Variants in CNGB3 observed in about 807,000 individuals in gnomAD.
CNGB3 encodes cyclic nucleotide gated channel subunit beta 3.
CNGB3 carries 86 observed loss-of-function variants against 92.8 expected under a neutral mutation model. The ratio of observed to expected loss-of-function variants is 0.93; its 90% CI spans 0.78 to 1.11. The LOEUF (loss-of-function observed/expected upper bound fraction) is 1.11, where lower values mean the gene tolerates loss of function less well. Among genes scored for constraint, CNGB3 ranks in the 50% least tolerant of loss-of-function variants. The pLI is 0.00. For synonymous variants in CNGB3, 333 were observed against 332.7 expected, an observed-to-expected ratio of 1.00 and a Z score of -0.01; for missense variants, 1,026 against 956.8, an observed-to-expected ratio of 1.07 and a Z score of -0.95.
At position 86,632,887 on chromosome 8, in the gene CNGB3, C is replaced by T; in HGVS notation, c.1185G>A (p.Leu395=). Residue 395 remains leucine (L), a synonymous_variant, in exon 11 of 18, where the codon CTG becomes CTA. Transcript: ENST00000320005. The part of the protein sequence containing the change: ...WVYDGEGNEY[L]RCYYWAVRTL... Reference sequence around the variant, plus strand: ...TTCGAACTGCCCAATAATAACATCTCAGATACCTGTGAAAACAGAAGATAT... The same window carrying T: ...TTCGAACTGCCCAATAATAACATCTTAGATACCTGTGAAAACAGAAGATAT... 6.2e-7 allele frequency: 1 copy of T among 1,612,206 alleles called. No individual in the cohort carries two copies.
chr8:86,650,047 C>A (rs938695312), intron 7 of CNGB3, among the ~76,000 whole-genome samples: 1 of 150,418 alleles, frequency 6.6e-6, no homozygotes, highest in African/African-American at 2.4e-5. Context: ...GAAAAAAATG[C>A]CCCCCCGCCC....
intron 8 of CNGB3, among the ~76,000 whole-genome samples, chr8:86,646,813 C>G (rs1376210595): frequency 1.3e-5 from 2 of 151,064 alleles, no homozygotes; most frequent in Non-Finnish European, 1.5e-5. Context: ...TCCTCAAATT[C>G]TTTTTAGGTA....
chr8:86,733,057 C>G (rs1385000227), intron 2 of CNGB3, among the ~76,000 whole-genome samples: 1 of 152,030 alleles, frequency 6.6e-6, no homozygotes, highest in African/African-American at 2.4e-5. Flanking sequence ...TATATCTCCT[C>G]TAAGGTGAAA....
Position 86,632,842 on chromosome 8 carries a change from G to T in CNGB3, c.1230C>A (p.Gly410=). Reference sequence around the variant, plus strand: ...CAAATAAAGTTTGTGGTTCTGGAAGGCCACCAATGGTAATTAAAGTTCGAA... The same window carrying T: ...CAAATAAAGTTTGTGGTTCTGGAAGTCCACCAATGGTAATTAAAGTTCGAA... ...WAVRTLITIG[G]LPEPQTLFEI... The change falls in exon 11 of 18, where the codon GGC becomes GGA. Residue 410 remains glycine (G), a synonymous_variant. Transcript: ENST00000320005. 6.2e-7 allele frequency: 1 copy of T among 1,612,660 alleles called. No individual in the cohort carries two copies.
intron 3 of CNGB3, among the ~76,000 whole-genome samples, chr8:86,686,913 G>T (rs1037777937): frequency 6.6e-6 from 1 of 151,982 alleles, no homozygotes; most frequent in African/African-American, 2.4e-5. Flanking sequence ...TAATTTTTAT[G>T]TCTCTTTTAA....
At chr8:86,641,545 C>T (rs932482338) in intron 10 of CNGB3, among the ~76,000 whole-genome samples, 9 of 151,820 alleles carry the variant, frequency 5.9e-5, no homozygotes, top group African/African-American at 2.2e-4. Context: ...TTCTATTGTC[C>T]TGCCTTTCCT....
rs1347027032 is a variant in CNGB3, at chr8:86,731,667, A to G, written c.212-5010T>C. ...TACTGAACAGAGACCTGTAATCCCT[A>G]CATAACTAATTCTCTAGGTGACTCT... On this transcript the variant is annotated intron_variant, in intron 2 of 17. Transcript: ENST00000320005. Among the ~76,000 whole-genome samples, 3 of 152,170 alleles carry G rather than the reference A, an allele frequency of 2.0e-5. 1 individual carries two copies. In the South Asian group the frequency reaches 6.2e-4, roughly 32 times the overall value.
intron 6 of CNGB3, chr8:86,660,023 G>T: frequency 2.9e-6 from 1 of 343,558 alleles, no homozygotes; most frequent in African/African-American, 2.2e-5. Flanking sequence ...CTGAGGTGCC[G>T]CCATGCTAGT....
chr8:86,603,083 C>G (rs1822340358), intron 15 of CNGB3, among the ~76,000 whole-genome samples: 1 of 152,182 alleles, frequency 6.6e-6, no homozygotes, highest in African/African-American at 2.4e-5. Context: ...TTTCAAATCT[C>G]AGGTCAAATA....
At chr8:86,685,555 T>C (rs1024685701) in intron 3 of CNGB3, among the ~76,000 whole-genome samples, 4 of 152,170 alleles carry the variant, frequency 2.6e-5, no homozygotes, top group African/African-American at 9.6e-5. Context: ...TAAAAAGTCC[T>C]GAGTTTTCTG....
chr8:86,620,742 G>T, intron 13 of CNGB3, among the ~76,000 whole-genome samples: 1 of 152,114 alleles, frequency 6.6e-6, no homozygotes, highest in African/African-American at 2.4e-5. Flanking sequence ...GCAAGGATCA[G>T]TCAGGTATAA....
At chr8:86,674,183 A>T (rs1462832424) in intron 3 of CNGB3, among the ~76,000 whole-genome samples, 2 of 152,182 alleles carry the variant, frequency 1.3e-5, no homozygotes, top group East Asian at 3.8e-4. Flanking sequence ...CAAACTGTCA[A>T]ACTCTCCAGT....
intron 4 of CNGB3, among the ~76,000 whole-genome samples, chr8:86,668,498 A>C (rs918110408): frequency 6.6e-6 from 1 of 152,060 alleles, no homozygotes; most frequent in Non-Finnish European, 1.5e-5. Context: ...AATCCAAAAA[A>C]CTTGAATTTC....
chr8:86,726,516 TTA>T lies in CNGB3; in HGVS notation c.338+13_338+14del, dbSNP rs1159284443. 35 of 1,613,508 alleles carry T rather than the reference TTA, an allele frequency of 2.2e-5. No individual in the cohort carries two copies. The highest frequency in any genetic ancestry group is 3.0e-5 in the Non-Finnish European group (35 of 1,179,596). ...ATATCTCTAAAATATGTTGTGTGTT[TTA>T]TTAAATGCTCACCTGTTTGGACCTT... On this transcript the variant is annotated intron_variant, in intron 3 of 17. Coordinates refer to ENST00000320005, the MANE Select transcript of CNGB3 (RefSeq NM_019098.5).
At chr8:86,581,970 T>C (rs1385336543) in intron 15 of CNGB3, among the ~76,000 whole-genome samples, 1 of 152,156 alleles carries the variant, frequency 6.6e-6, no homozygotes, top group Non-Finnish European at 1.5e-5. Flanking sequence ...CCTCAGTCCA[T>C]ATTATTTGTT....
intron 15 of CNGB3, among the ~76,000 whole-genome samples, chr8:86,598,716 A>G (rs1822224004): frequency 6.6e-6 from 1 of 152,176 alleles, no homozygotes; most frequent in Admixed American, 6.5e-5. Flanking sequence ...CTCAGTCTTC[A>G]CATGGTCTTC....
At chr8:86,720,162 T>G (rs1824938394) in intron 3 of CNGB3, among the ~76,000 whole-genome samples, 1 of 152,062 alleles carries the variant, frequency 6.6e-6, no homozygotes, top group Admixed American at 6.6e-5. Flanking sequence ...TTAATTAAAC[T>G]AAAAAGCTTT....
intron 13 of CNGB3, among the ~76,000 whole-genome samples, chr8:86,617,092 A>AGATTTGAATGAGGATATTG (rs1822635875): frequency 6.6e-6 from 1 of 152,202 alleles, no homozygotes; most frequent in Non-Finnish European, 1.5e-5. Context: ...TGAGGATATT[A>AGATTTGAATGAGGATATTG]GAGATTTGAA....
At chr8:86,731,808 C>T (rs1825160449) in intron 2 of CNGB3, among the ~76,000 whole-genome samples, 1 of 152,114 alleles carries the variant, frequency 6.6e-6, no homozygotes, top group Non-Finnish European at 1.5e-5. Context: ...GCAATATAAA[C>T]ACAAAGTGTT....
Sources: allele counts gnomAD v4.1 joint callset (sites outside exome capture counted in the v4.1 genomes callset), GRCh38; gene constraint gnomAD v4.1.1; transcripts MANE v1.5; gene names NCBI Gene and HGNC (gene_info 2026-07-23, HGNC 2026-07-21).